Variants in MN1 observed in about 807,000 individuals in gnomAD.
MN1 encodes the protein transcriptional activator MN1.
A neutral mutation model predicts 86.9 loss-of-function variants in MN1; 19 were observed. The observed-to-expected ratio is 0.22, with a 90% CI of 0.15 to 0.32. The LOEUF (loss-of-function observed/expected upper bound fraction) is 0.32. Among genes scored for constraint, MN1 ranks in the 10% least tolerant of loss-of-function variants. The pLI is 1.00. For missense variants in MN1, 1,841 were observed against 1,862.0 expected, an observed-to-expected ratio of 0.99 and a Z score of 0.21; for synonymous variants, 928 against 849.6, an observed-to-expected ratio of 1.09 and a Z score of -1.60.
intron 1 of MN1, among the ~76,000 whole-genome samples, chr22:27,781,985 G>A (rs529535678): frequency 6.6e-6 from 1 of 152,208 alleles, no homozygotes; most frequent in African/African-American, 2.4e-5. Context: ...ACTGTTTATG[G>A]TTGACTCGGG....
Position 27,750,312 on chromosome 22 carries a change from T to C in MN1, c.*603A>G. The stretch of plus-strand genomic sequence containing the variant: ...GCGGAATACCTAAGAGGGGCATTCA[T>C]TGTTTGGCTCCTGCCTGACTGATGA... On this transcript the variant is annotated 3_prime_UTR_variant, in exon 2 of 2. Transcript: ENST00000302326. 2 of 231,338 alleles carry C rather than the reference T, an allele frequency of 8.6e-6. No individual in the cohort carries two copies. Among genetic ancestry groups the C allele is most frequent in the Non-Finnish European group, 1.7e-5 (2 of 116,842 alleles). The allele number at this position is 231,338 out of a possible 1,614,324, so 14.3% of individuals were successfully genotyped here.
chr22:27,773,646 T>A (rs921678968), intron 1 of MN1, among the ~76,000 whole-genome samples: 8 of 152,120 alleles, frequency 5.3e-5, no homozygotes, highest in African/African-American at 1.4e-4. Flanking sequence ...CCAAACATCA[T>A]CTTGGTCCAT....
chr22:27,749,484 A>C lies in MN1; in HGVS notation c.*1431T>G, dbSNP rs1055124564. On this transcript the variant is annotated 3_prime_UTR_variant, in exon 2 of 2. Coordinates refer to ENST00000302326, the MANE Select transcript of MN1 (RefSeq NM_002430.3). ...CCACCGGGGAATCTATGTGCCCCCCACCACAAGCCATAAATGGCTTTTGCA... is the reference window on the plus strand; with the variant it reads ...CCACCGGGGAATCTATGTGCCCCCCCCCACAAGCCATAAATGGCTTTTGCA... 3 of 232,186 alleles carry C rather than the reference A, an allele frequency of 1.3e-5. No individual in the cohort carries two copies. The highest frequency in any genetic ancestry group is 2.2e-5 in the African/African-American group (1 of 45,300). 14.4% of individuals were successfully genotyped at this position (232,186 alleles called of 1,614,324 possible). A position where few individuals can be genotyped will look rare whatever the true frequency, so the allele number is the denominator to read the frequency against.
Position 27,797,594 on chromosome 22 carries a change from C to A in MN1, c.2950G>T (p.Ala984Ser), listed in dbSNP as rs1263136065. The change falls in exon 1 of 2, where the codon GCA (alanine) becomes TCA (serine). Residue 984 changes from alanine (A) to serine (S), a missense_variant. By Grantham distance (99) the Ala-to-Ser change is moderately conservative. Coordinates refer to ENST00000302326, the MANE Select transcript of MN1 (RefSeq NM_002430.3). ...VSPGQQQASG[A>S]AVGGSSAGET... ...CCTGCGGAGCTTCCCCCGACGGCTG[C>A]GCCTGACGCTTGCTGCTGCCCTGGG... 1.3e-6 allele frequency: 2 copies of A among 1,595,722 alleles called. No homozygotes were observed. The highest frequency in any genetic ancestry group is 1.7e-5 in the Admixed American group (1 of 58,194).
intron 1 of MN1, among the ~76,000 whole-genome samples, chr22:27,778,528 C>T (rs1933009268): frequency 6.6e-6 from 1 of 152,176 alleles, no homozygotes; most frequent in Non-Finnish European, 1.5e-5. Flanking sequence ...GTATTTATGC[C>T]AAGGCTTAGT....
chr22:27,753,041 G>T (rs749957376), intron 1 of MN1, among the ~76,000 whole-genome samples: 1 of 152,250 alleles, frequency 6.6e-6, no homozygotes, highest in Non-Finnish European at 1.5e-5. Flanking sequence ...GACAGGCCAT[G>T]ACTAACTGGG....
At chr22:27,780,305 C>A (rs959614701) in intron 1 of MN1, among the ~76,000 whole-genome samples, 1 of 152,132 alleles carries the variant, frequency 6.6e-6, no homozygotes, top group African/African-American at 2.4e-5. Flanking sequence ...AACTGTCTCT[C>A]CCCTCTCACC....
At position 27,800,879 on chromosome 22, in the gene MN1, C is replaced by G; in HGVS notation, c.-336G>C. 7.0e-6 allele frequency: 2 copies of G among 283,692 alleles called. No homozygotes were observed. The highest frequency in any genetic ancestry group is 1.8e-4 in the South Asian group (2 of 11,018). 17.6% of individuals were successfully genotyped at this position (283,692 alleles called of 1,614,324 possible). On this transcript the variant is annotated 5_prime_UTR_variant, in exon 1 of 2. Coordinates refer to ENST00000302326, the MANE Select transcript of MN1 (RefSeq NM_002430.3). The stretch of plus-strand genomic sequence containing the variant: ...GGACGAAGCCGCGGATGAACGGAGA[C>G]AAAAAGTTAAGTGGGGGGAATGGGG...
chr22:27,777,421 T>C (rs973849788), intron 1 of MN1, among the ~76,000 whole-genome samples: 21 of 151,384 alleles, frequency 1.4e-4, no homozygotes, highest in African/African-American at 5.1e-4. Flanking sequence ...TAGTCCTAGA[T>C]ACCCTGGAGG....
rs1485554524 is a variant in MN1 at position 27,798,584 on chromosome 22, C to T, written c.1960G>A (p.Ala654Thr). The change falls in exon 1 of 2, where the codon GCT becomes ACT. Residue 654 changes from alanine to threonine, a missense_variant. Coordinates refer to ENST00000302326, the MANE Select transcript of MN1 (RefSeq NM_002430.3). ...PRRMGGSGLPADCGPHDPSLA... is the reference protein window; with the variant it reads ...PRRMGGSGLPTDCGPHDPSLA... ...CTGGGGTCGTGCGGGCCACAGTCAGCGGGCAGACCCGAGCCGCCCATCCTA... is the reference window on the plus strand; with the variant it reads ...CTGGGGTCGTGCGGGCCACAGTCAGTGGGCAGACCCGAGCCGCCCATCCTA... 4 of 1,543,860 alleles carry T rather than the reference C, an allele frequency of 2.6e-6. No individual in the cohort carries two copies. Among genetic ancestry groups the T allele is most frequent in the Non-Finnish European group, 3.5e-6 (4 of 1,154,866 alleles).
intron 1 of MN1, among the ~76,000 whole-genome samples, chr22:27,781,464 G>C (rs961016531): frequency 6.6e-6 from 1 of 152,112 alleles, no homozygotes; most frequent in Non-Finnish European, 1.5e-5. Flanking sequence ...CCCTGGGGGG[G>C]GCAATATTGC....
chr22:27,779,597 C>G (rs1362476363), intron 1 of MN1, among the ~76,000 whole-genome samples: 1 of 152,178 alleles, frequency 6.6e-6, no homozygotes, highest in East Asian at 1.9e-4. Context: ...ACACTGCACC[C>G]CTGGGCAGGT....
chr22:27,765,194 C>T (rs917313278), intron 1 of MN1, among the ~76,000 whole-genome samples: 2 of 152,188 alleles, frequency 1.3e-5, no homozygotes, highest in Non-Finnish European at 2.9e-5. Context: ...TGTCACTTGT[C>T]CAAGTTCGCA....
chr22:27,800,726 T>C lies in MN1; in HGVS notation c.-183A>G, dbSNP rs1176429463. The C allele has an allele frequency of 7.5e-6, 5 of 671,114 alleles. No individual in the cohort carries two copies. In the East Asian group the frequency reaches 1.4e-4, roughly 19 times the overall value. 41.6% of individuals were successfully genotyped at this position (671,114 alleles called of 1,614,324 possible). Reference sequence around the variant, plus strand: ...ACGGGGGGCGGGGTATTAGCTCCTCTCCTGAAGCTCCGATTCTGCCCGGGG... The same window carrying C: ...ACGGGGGGCGGGGTATTAGCTCCTCCCCTGAAGCTCCGATTCTGCCCGGGG... On this transcript the variant is annotated 5_prime_UTR_variant, in exon 1 of 2. Transcript: ENST00000302326.
intron 1 of MN1, among the ~76,000 whole-genome samples, chr22:27,776,616 C>T (rs1285760219): frequency 6.6e-6 from 1 of 152,052 alleles, no homozygotes; most frequent in African/African-American, 2.4e-5. Context: ...CCTCTTTCTC[C>T]TCTCTTGAAA....
chr22:27,762,722 C>T (rs5762346), intron 1 of MN1, among the ~76,000 whole-genome samples: 7,372 of 152,084 alleles, frequency 0.048, 227 homozygotes, highest in East Asian at 0.07. Flanking sequence ...GGGCTGACAC[C>T]TCACTGAACT....
At chr22:27,780,137 G>T (rs1933032251) in intron 1 of MN1, among the ~76,000 whole-genome samples, 1 of 152,188 alleles carries the variant, frequency 6.6e-6, no homozygotes, top group Non-Finnish European at 1.5e-5. Context: ...GGGCTCAGAT[G>T]AAGCACCGTT....
At chr22:27,781,390 C>T (rs1483990626) in intron 1 of MN1, among the ~76,000 whole-genome samples, 2 of 152,172 alleles carry the variant, frequency 1.3e-5, no homozygotes, top group Non-Finnish European at 2.9e-5. Context: ...CATCAGGGAC[C>T]CATAGCATTC....
At chr22:27,771,097 G>A (rs1023411643) in intron 1 of MN1, among the ~76,000 whole-genome samples, 3 of 152,006 alleles carry the variant, frequency 2.0e-5, no homozygotes, top group Admixed American at 2.0e-4. Context: ...TCAACTTGGG[G>A]GTGGCAAACT....
Sources: gnomAD v4.1 joint callset for allele counts (sites outside exome capture counted in the v4.1 genomes callset) on GRCh38, gnomAD v4.1.1 for gene constraint, MANE v1.5 for transcripts, NCBI Gene and HGNC (gene_info 2026-07-23, HGNC 2026-07-21) for gene names.